ADRA1A: variants seen among roughly 807,000 people sequenced by gnomAD.
ADRA1A encodes alpha-1A adrenergic receptor.
Under a neutral mutation model 29.6 loss-of-function variants are expected in ADRA1A, and 31 were observed. The observed-to-expected ratio is 1.05, with a 90% CI of 0.79 to 1.41. ADRA1A has a LOEUF of 1.41. Among genes scored for constraint, ADRA1A ranks in the 40% most tolerant of loss-of-function variants. The probability of loss-of-function intolerance (pLI) is 0.00; values close to 1 mark genes in which losing one functional copy is unlikely to be tolerated. For missense variants in ADRA1A, 619 were observed against 601.1 expected (o/e 1.03, Z -0.31); for synonymous variants, 311 against 254.3 (o/e 1.22, Z -2.12).
intron 2 of ADRA1A, among the ~76,000 whole-genome samples, chr8:26,814,202 A>G (rs1809607784): frequency 6.6e-6 from 1 of 152,110 alleles, no homozygotes; most frequent in Admixed American, 6.5e-5. Flanking sequence ...GAAAAAAAAA[A>G]ACATACTTCC....
chr8:26,793,202 GGT>G (rs890437233), intron 2 of ADRA1A, among the ~76,000 whole-genome samples: 1 of 151,736 alleles, frequency 6.6e-6, no homozygotes, highest in African/African-American at 2.4e-5. Flanking sequence ...CAAATACATA[GGT>G]ATATGTATGT....
chr8:26,838,734 A>T (rs1811574437), intron 2 of ADRA1A, among the ~76,000 whole-genome samples: 1 of 152,256 alleles, frequency 6.6e-6, no homozygotes, highest in Non-Finnish European at 1.5e-5. Flanking sequence ...TACTATCAAA[A>T]AAGTGGTAGA....
At chr8:26,816,107 C>T (rs1426632299) in intron 2 of ADRA1A, among the ~76,000 whole-genome samples, 2 of 152,150 alleles carry the variant, frequency 1.3e-5, no homozygotes, top group Non-Finnish European at 2.9e-5. Context: ...TTAGTGTAGG[C>T]CTGAGGGCGT....
downstream of ADRA1A, among the ~76,000 whole-genome samples, chr8:26,751,623 C>T (rs1368834498): frequency 6.6e-6 from 1 of 152,192 alleles, no homozygotes; most frequent in Non-Finnish European, 1.5e-5. Context: ...TACTGCCACA[C>T]ATATCTCAGA....
chr8:26,800,762 G>A (rs986602255), intron 2 of ADRA1A, among the ~76,000 whole-genome samples: 18 of 151,914 alleles, frequency 1.2e-4, no homozygotes, highest in Admixed American at 5.9e-4. Context: ...CATTGTATGG[G>A]GCCAGTATTA....
Position 26,748,592 on chromosome 8 carries a change from A to AT in ADRA1A, c.1425_1426insA (p.Ter476IlefsTer25). The AT allele has an allele frequency of 1.4e-5, 6 of 418,550 alleles. No individual in the cohort carries two copies. The highest frequency in any genetic ancestry group is 1.3e-4 in the Admixed American group (5 of 37,676). The allele number at this position is 418,550 out of a possible 1,614,324, so 25.9% of individuals were successfully genotyped here. A position where few individuals can be genotyped will look rare whatever the true frequency, so the allele number is the denominator to read the frequency against. The stretch of plus-strand genomic sequence containing the variant: ...CGTCTCTACTAAAAATACAAAAATT[A>AT]GCTGGGCCTGGTGGCGTCGGCCTGG... On this transcript the variant is annotated frameshift_variant, in exon 3 of 3. Transcript: ENST00000380586. LOFTEE classifies it high-confidence loss of function.
intron 2 of ADRA1A, chr8:26,836,333 T>C (rs193092067): frequency 4.1e-4 from 64 of 155,526 alleles, no homozygotes; most frequent in Non-Finnish European, 2.6e-4. Flanking sequence ...TTAATGAATC[T>C]GTTTATGTCT....
rs1810959037 is a variant in ADRA1A at position 26,831,326 on chromosome 8, C to T, written c.883+32761G>A. ...AGCATATAGGGTCAGCTTAATTTCACACACAAGTAAGGGGAGAAGAGATGC... is the reference window on the plus strand; with the variant it reads ...AGCATATAGGGTCAGCTTAATTTCATACACAAGTAAGGGGAGAAGAGATGC... On this transcript the variant is annotated intron_variant, in intron 2 of 2. Coordinates refer to ENST00000380573, the MANE Select transcript of ADRA1A (RefSeq NM_000680.4). The surrounding 1 kb of genome is among the most constrained non-coding windows in gnomAD (Gnocchi z 5.2). 1.3e-5 allele frequency among the ~76,000 whole-genome samples: 2 copies of T among 152,160 alleles called. No homozygotes were observed. The highest frequency in any genetic ancestry group is 2.1e-4 in the South Asian group (1 of 4,820).
At chr8:26,817,498 G>C (rs1020576766) in intron 2 of ADRA1A, among the ~76,000 whole-genome samples, 4 of 152,200 alleles carry the variant, frequency 2.6e-5, no homozygotes, top group African/African-American at 9.7e-5. Flanking sequence ...AAACATACGA[G>C]CCGGGCACTG....
chr8:26,800,506 A>T (rs958495806), intron 2 of ADRA1A, among the ~76,000 whole-genome samples: 1 of 152,180 alleles, frequency 6.6e-6, no homozygotes, highest in Non-Finnish European at 1.5e-5. Flanking sequence ...AACCTAGAAG[A>T]AATGGACATA....
At position 26,775,310 on chromosome 8, in the gene ADRA1A, A is replaced by T. The variant is rs1402512381; in HGVS notation, c.884-4644T>A. Among the ~76,000 whole-genome samples, 1 of 151,890 alleles carries T rather than the reference A, an allele frequency of 6.6e-6. No homozygotes were observed. On this transcript the variant is annotated intron_variant, in intron 2 of 2. Transcript: ENST00000380573. The surrounding 1 kb of genome is among the most constrained non-coding windows in gnomAD (Gnocchi z 4.1). ...TGCGTGATGGCTGTAGCCTCATATTATCTCCCAACCCTGACTTCTTTCTGC... is the reference window on the plus strand; with the variant it reads ...TGCGTGATGGCTGTAGCCTCATATTTTCTCCCAACCCTGACTTCTTTCTGC...
intron 2 of ADRA1A, among the ~76,000 whole-genome samples, chr8:26,861,937 C>G (rs1302461722): frequency 6.6e-6 from 1 of 152,168 alleles, no homozygotes; most frequent in Non-Finnish European, 1.5e-5. Flanking sequence ...TGCTTCTGCT[C>G]TTGCCCCCAA....
intron 2 of ADRA1A, among the ~76,000 whole-genome samples, chr8:26,804,536 G>A (rs1271013835): frequency 1.3e-5 from 2 of 152,202 alleles, no homozygotes; most frequent in Admixed American, 6.5e-5. Context: ...TCTAGAAATT[G>A]CAAGATAATC....
Position 26,864,347 on chromosome 8 carries a change from T to G in ADRA1A, c.623A>C (p.Tyr208Ser). The change falls in exon 2 of 3, where the codon TAC (tyrosine) becomes TCC (serine). Residue 208 changes from tyrosine to serine, a missense_variant. Coordinates refer to ENST00000380573, the MANE Select transcript of ADRA1A (RefSeq NM_000680.4). The surrounding 1 kb of genome is among the most constrained non-coding windows in gnomAD (Gnocchi z 8.1). ...AIILVMYCRV[Y>S]VVAKRESRGL... is the part of the protein sequence containing the mutation. ...CCGGCTCTCCCTCTTGGCCACCACG[T>G]AGACGCGGCAGTACATGACCAGGAT... is the stretch of plus-strand genomic sequence containing the variant. The G allele has an allele frequency of 6.2e-7, 1 of 1,614,080 alleles. No individual in the cohort carries two copies. The highest frequency in any genetic ancestry group is 8.5e-7 in the Non-Finnish European group (1 of 1,180,008).
intron 2 of ADRA1A, among the ~76,000 whole-genome samples, chr8:26,816,627 C>T (rs1449959865): frequency 6.6e-6 from 1 of 151,996 alleles, no homozygotes; most frequent in Non-Finnish European, 1.5e-5. Context: ...AGGCAGCCTG[C>T]ATGGCACCCA....
At chr8:26,789,124 T>C (rs4412377) in intron 2 of ADRA1A, among the ~76,000 whole-genome samples, 50,581 of 150,754 alleles carry the variant, frequency 0.34, 9,746 homozygotes, top group East Asian at 0.82. Flanking sequence ...CTGACAGGCC[T>C]CCAGGTGTGA....
chr8:26,783,540 A>G (rs1340328372), intron 2 of ADRA1A, among the ~76,000 whole-genome samples: 1 of 152,250 alleles, frequency 6.6e-6, no homozygotes, highest in African/African-American at 2.4e-5. Flanking sequence ...ATGAGTTTCC[A>G]ACTGTTCCAG....
chr8:26,800,583 A>G (rs547991849), intron 2 of ADRA1A, among the ~76,000 whole-genome samples: 1 of 152,300 alleles, frequency 6.6e-6, no homozygotes, highest in South Asian at 2.1e-4. Context: ...TAGACCAATA[A>G]CAAGTAATAA....
intron 2 of ADRA1A, among the ~76,000 whole-genome samples, chr8:26,861,308 T>TG (rs1169279543): frequency 1.3e-5 from 2 of 148,274 alleles, no homozygotes; most frequent in African/African-American, 5.0e-5. Flanking sequence ...GCTCTGTTTT[T>TG]TTTTTTTTTT....
Sources: allele counts gnomAD v4.1 joint callset (sites outside exome capture counted in the v4.1 genomes callset), GRCh38; gene constraint gnomAD v4.1.1; non-coding constraint Gnocchi (gnomAD v3.1); transcripts MANE v1.5; gene names NCBI Gene and HGNC (gene_info 2026-07-23, HGNC 2026-07-21).